Variants in CRYBA4 observed in about 807,000 individuals in gnomAD.
The protein encoded by CRYBA4 is beta-crystallin A4.
In CRYBA4, 30 loss-of-function variants were observed where a neutral mutation model predicts 31.7. That is an observed-to-expected ratio of 0.95 (90% CI 0.71 to 1.28). CRYBA4 has a LOEUF of 1.28. Among genes scored for constraint, CRYBA4 ranks in the 50% most tolerant of loss-of-function variants. The pLI, the probability that CRYBA4 is intolerant of heterozygous loss-of-function variation, is 0.00. For missense variants in CRYBA4, 225 were observed against 260.7 expected (o/e 0.86, Z 0.94); for synonymous variants, 102 against 102.3 (o/e 1.00, Z 0.02).
the CRYBA4 span, among the ~76,000 whole-genome samples, chr22:26,590,738 G>A: frequency 6.6e-6 from 1 of 151,772 alleles, no homozygotes; most frequent in South Asian, 2.1e-4. Flanking sequence ...CGGTGCATAG[G>A]ACACCCTTTC....
chr22:26,592,063 A>G, the CRYBA4 span, among the ~76,000 whole-genome samples: 1,865 of 152,300 alleles, frequency 0.012, 14 homozygotes, highest in Non-Finnish European at 0.02. Flanking sequence ...GGGACTGATA[A>G]AGCTGCCTCC....
At chr22:26,622,382 T>C (rs1391317974) in intron 1 of CRYBA4, among the ~76,000 whole-genome samples, 1 of 151,318 alleles carries the variant, frequency 6.6e-6, no homozygotes, top group Non-Finnish European at 1.5e-5. Context: ...AAGGGTGAGT[T>C]TTGAGATGGG....
At chr22:26,592,365 C>T in the CRYBA4 span, among the ~76,000 whole-genome samples, 4 of 152,218 alleles carry the variant, frequency 2.6e-5, no homozygotes, top group Non-Finnish European at 5.9e-5. Context: ...AAGCTAGATC[C>T]TTCAACAAGC....
At chr22:26,603,539 A>G in the CRYBA4 span, among the ~76,000 whole-genome samples, 1 of 151,566 alleles carries the variant, frequency 6.6e-6, no homozygotes, top group Non-Finnish European at 1.5e-5. Flanking sequence ...AACAACAACA[A>G]CAAAAAAGAA....
chr22:26,591,533 G>A, the CRYBA4 span, among the ~76,000 whole-genome samples: 5,095 of 150,554 alleles, frequency 0.034, 196 homozygotes, highest in East Asian at 0.16. Context: ...ACCAGGTCAG[G>A]AATCCAAGAC....
chr22:26,614,815 G>A, the CRYBA4 span, among the ~76,000 whole-genome samples: 1 of 151,996 alleles, frequency 6.6e-6, no homozygotes, highest in Non-Finnish European at 1.5e-5. Flanking sequence ...TCATAATTCG[G>A]TCTCAAAATA....
At chr22:26,594,781 GC>G in the CRYBA4 span, among the ~76,000 whole-genome samples, 1 of 152,194 alleles carries the variant, frequency 6.6e-6, no homozygotes, top group Middle Eastern at 3.2e-3. Context: ...CCTTGGAGAA[GC>G]CCCCGAAAAG....
the CRYBA4 span, among the ~76,000 whole-genome samples, chr22:26,595,865 TG>T: frequency 6.6e-6 from 1 of 152,098 alleles, no homozygotes; most frequent in Non-Finnish European, 1.5e-5. Flanking sequence ...CTGGAACTCC[TG>T]GGCTCAAGGG....
chr22:26,619,443 G>T (rs1299940057), upstream of CRYBA4, among the ~76,000 whole-genome samples: 4 of 152,282 alleles, frequency 2.6e-5, no homozygotes, highest in East Asian at 7.7e-4. Flanking sequence ...GTACAGCTGG[G>T]GTCAGAAGGA....
At chr22:26,617,054 G>T (rs754416202), upstream of CRYBA4, among the ~76,000 whole-genome samples, 1 of 152,172 alleles carries the variant, frequency 6.6e-6, no homozygotes, top group Non-Finnish European at 1.5e-5. Context: ...TCCTTTCCCC[G>T]TCTGCTTCCT....
intron 5 of CRYBA4, among the ~76,000 whole-genome samples, chr22:26,629,026 G>A (rs1003525043): frequency 1.3e-5 from 2 of 152,200 alleles, no homozygotes; most frequent in African/African-American, 4.8e-5. Flanking sequence ...GGCTAGAAGA[G>A]GGGAGAATGA....
chr22:26,601,403 G>T, the CRYBA4 span, among the ~76,000 whole-genome samples: 1 of 152,088 alleles, frequency 6.6e-6, no homozygotes, highest in Non-Finnish European at 1.5e-5. Flanking sequence ...AGACTGAGAG[G>T]CAGAGAGGTG....
At chr22:26,603,074 G>A in the CRYBA4 span, among the ~76,000 whole-genome samples, 1 of 144,684 alleles carries the variant, frequency 6.9e-6, no homozygotes, top group Non-Finnish European at 1.5e-5. Flanking sequence ...GCAGTGAGCC[G>A]AGATCGTGCC....
the CRYBA4 span, among the ~76,000 whole-genome samples, chr22:26,598,446 G>A: frequency 2.0e-5 from 3 of 151,796 alleles, no homozygotes; most frequent in South Asian, 2.1e-4. Flanking sequence ...GCATGATCAC[G>A]ACTCACTGTA....
chr22:26,619,244 G>A (rs1485709372), upstream of CRYBA4, among the ~76,000 whole-genome samples: 1 of 152,176 alleles, frequency 6.6e-6, no homozygotes, highest in Non-Finnish European at 1.5e-5. Flanking sequence ...ACACAGAGAG[G>A]CACAGGGGAC....
At chr22:26,608,835 T>G in the CRYBA4 span, among the ~76,000 whole-genome samples, 6 of 152,300 alleles carry the variant, frequency 3.9e-5, no homozygotes, top group South Asian at 4.2e-4. Context: ...GATGGTAATA[T>G]CTACCCTCAG....
At chr22:26,599,517 A>G in the CRYBA4 span, 58 of 1,613,264 alleles carry the variant, frequency 3.6e-5, no homozygotes, top group Non-Finnish European at 4.4e-5. Context: ...TGGCCAGGAC[A>G]GGGAAGGACC....
chr22:26,613,074 T>C, the CRYBA4 span, among the ~76,000 whole-genome samples: 1 of 152,184 alleles, frequency 6.6e-6, no homozygotes, highest in Non-Finnish European at 1.5e-5. Flanking sequence ...TCAATTTCTG[T>C]ATCTCCAGCC....
the CRYBA4 span, chr22:26,611,951 T>C: frequency 3.9e-6 from 3 of 767,918 alleles, no homozygotes; most frequent in African/African-American, 1.7e-5. Flanking sequence ...TTGGACATAA[T>C]GTATGTGCCA....
Sources: allele counts gnomAD v4.1 joint callset (sites outside exome capture counted in the v4.1 genomes callset), GRCh38; gene constraint gnomAD v4.1.1; transcripts MANE v1.5; gene names NCBI Gene and HGNC (gene_info 2026-07-23, HGNC 2026-07-21).